Variants in GALNT9 observed in about 807,000 individuals in gnomAD.
GALNT9 encodes GalNAc transferase 9.
A neutral mutation model predicts 63.1 loss-of-function variants in GALNT9; 47 were observed. The ratio of observed to expected loss-of-function variants is 0.75; its 90% confidence interval spans 0.59 to 0.95. The LOEUF (loss-of-function observed/expected upper bound fraction) is 0.95, where lower values mean the gene tolerates loss of function less well. Ranked by LOEUF, GALNT9 falls within the 40% of genes least tolerant of loss-of-function variation. GALNT9 has a pLI of 0.00. For missense variants in GALNT9, 829 were observed against 874.8 expected (o/e 0.95, Z 0.66); for synonymous variants, 396 against 365.7 (o/e 1.08, Z -0.94).
intron 2 of GALNT9, chr12:132,283,838 C>G (rs144173425): frequency 6.6e-6 from 1 of 152,272 alleles, no homozygotes; most frequent in Non-Finnish European, 1.5e-5. Flanking sequence ...GACTTTAACC[C>G]ATGTCCTCTG....
Position 132,262,600 on chromosome 12 carries a change from C to G in GALNT9, c.445G>C (p.Asp149His). 6.4e-7 allele frequency: 1 copy of G among 1,551,074 alleles called. No homozygotes were observed. The highest frequency in any genetic ancestry group is 2.4e-5 in the East Asian group (1 of 40,914). The change falls in exon 3 of 11, where the codon GAC becomes CAC. Residue 149 changes from aspartate to histidine, a missense_variant. By Grantham distance (81) the Asp-to-His change is moderately conservative. Coordinates refer to ENST00000328957, the MANE Select transcript of GALNT9 (RefSeq NM_001122636.2). ...AAGACCACGGAGACCTGGGGCAGGT[C>G]CTGGGCGTAGCTCATCTGTCTGCAC... is the stretch of plus-strand genomic sequence containing the variant. The part of the protein sequence containing the change: ...RKCRQMSYAQ[D>H]LPQVSVVFIF...
At chr12:132,264,517 G>A (rs1441969917) in intron 2 of GALNT9, among the ~76,000 whole-genome samples, 3 of 152,254 alleles carry the variant, frequency 2.0e-5, no homozygotes, top group Non-Finnish European at 4.4e-5. Context: ...CCAGCCTTCT[G>A]GCTTGAGTTT....
At chr12:132,209,219 C>T (rs145983577) in intron 6 of GALNT9, among the ~76,000 whole-genome samples, 71 of 152,198 alleles carry the variant, frequency 4.7e-4, no homozygotes, top group African/African-American at 1.6e-3. Flanking sequence ...GTCACAAAGA[C>T]CTTGCTGATA....
At chr12:132,328,292 G>A (rs1378575802) in intron 1 of GALNT9, among the ~76,000 whole-genome samples, 2 of 152,090 alleles carry the variant, frequency 1.3e-5, no homozygotes, top group Non-Finnish European at 1.5e-5. Context: ...GGATTCTGGG[G>A]CTCCCAGGTG....
intron 5 of GALNT9, among the ~76,000 whole-genome samples, chr12:132,256,026 C>T (rs530745450): frequency 1.1e-3 from 168 of 152,272 alleles, no homozygotes; most frequent in Non-Finnish European, 1.6e-3. Flanking sequence ...CATGAACCAC[C>T]GCACCTGCCT....
At chr12:132,221,377 A>AAAAGG in intron 6 of GALNT9, among the ~76,000 whole-genome samples, 2 of 104,852 alleles carry the variant, frequency 1.9e-5, no homozygotes, top group Non-Finnish European at 3.8e-5. Flanking sequence ...AAAAAAAAAA[A>AAAAGG]GGGCTGGGTG....
In GALNT9 at chr12:132,245,742, C is replaced by A. The variant is rs1327003597; in HGVS notation, c.1077+2168G>T. 1.3e-5 allele frequency among the ~76,000 whole-genome samples: 2 copies of A among 152,252 alleles called. No individual in the cohort carries two copies. The highest frequency in any genetic ancestry group is 2.9e-5 in the Non-Finnish European group (2 of 68,038). On this transcript the variant is annotated intron_variant, in intron 6 of 10. Coordinates refer to ENST00000328957, the MANE Select transcript of GALNT9 (RefSeq NM_001122636.2). This position sits in a 1 kb window ranked among gnomAD's most constrained non-coding sequence, Gnocchi z 6.3. ...CCTGAGCCTGGGATGCACCCACGAC[C>A]CAGCCTCCTGGGACCTCCTCTCACT... is the stretch of plus-strand genomic sequence containing the variant.
intron 1 of GALNT9, among the ~76,000 whole-genome samples, chr12:132,287,956 G>T (rs1880668597): frequency 6.6e-6 from 1 of 152,194 alleles, no homozygotes; most frequent in South Asian, 2.1e-4. Flanking sequence ...CCAGAAAGAG[G>T]CGGCATGGAC....
intron 6 of GALNT9, among the ~76,000 whole-genome samples, chr12:132,219,755 C>T (rs1657323692): frequency 8.4e-6 from 1 of 118,380 alleles, no homozygotes; most frequent in African/African-American, 3.3e-5. Flanking sequence ...GGGGAAGGGA[C>T]ACCTCCCCAG....
At chr12:132,225,854 C>G (rs1409233923) in intron 6 of GALNT9, among the ~76,000 whole-genome samples, 1 of 28,576 alleles carries the variant, frequency 3.5e-5, no homozygotes, top group Non-Finnish European at 8.3e-5. Context: ...CCACACCCCA[C>G]ACACTGTGTA....
At chr12:132,293,511 G>A (rs1468416875) in intron 1 of GALNT9, among the ~76,000 whole-genome samples, 6 of 152,224 alleles carry the variant, frequency 3.9e-5, no homozygotes, top group East Asian at 1.9e-4. Flanking sequence ...CCTGCGAGGC[G>A]TATCTCAGAC....
chr12:132,202,757 A>G (rs1391812891), intron 7 of GALNT9, among the ~76,000 whole-genome samples: 1 of 151,946 alleles, frequency 6.6e-6, no homozygotes, highest in African/African-American at 2.4e-5. Flanking sequence ...GGTTCCAGAG[A>G]CGCTGGGGTG....
intron 2 of GALNT9, chr12:132,272,698 A>G (rs538343411): frequency 3.4e-4 from 52 of 152,396 alleles, no homozygotes; most frequent in Admixed American, 3.0e-3. Context: ...TTCTCAATTA[A>G]CAAACTGTCT....
chr12:132,248,462 G>A (rs28538350), intron 5 of GALNT9, among the ~76,000 whole-genome samples: 6,719 of 148,470 alleles, frequency 0.045, 186 homozygotes, highest in Middle Eastern at 0.1. Context: ...AACAGAGTGA[G>A]ATCCTGTCTC....
intron 1 of GALNT9, among the ~76,000 whole-genome samples, chr12:132,302,126 A>G (rs1881318948): frequency 6.6e-6 from 1 of 152,072 alleles, no homozygotes. Flanking sequence ...GAAGGTTTAG[A>G]TTAGTTTTGT....
chr12:132,196,402 T>C lies in GALNT9; in HGVS notation c.*705A>G. The C allele has an allele frequency of 4.1e-6, 4 of 983,118 alleles. No individual in the cohort carries two copies. Among genetic ancestry groups the C allele is most frequent in the Non-Finnish European group, 4.8e-6 (4 of 827,890 alleles). 60.9% of individuals were successfully genotyped at this position (983,118 alleles called of 1,614,324 possible). A position where few individuals can be genotyped will look rare whatever the true frequency, so the allele number is the denominator to read the frequency against. On this transcript the variant is annotated 3_prime_UTR_variant, in exon 11 of 11. Coordinates refer to ENST00000328957, the MANE Select transcript of GALNT9 (RefSeq NM_001122636.2). ...CTGGGCGCCAATAAAACTGTATTTA[T>C]TAAAACAGGCAAGGGGCTGGGCTGC...
At position 132,227,044 on chromosome 12, in the gene GALNT9, CCACACA is replaced by C. The variant is rs1438547479; in HGVS notation, c.1077+20860_1077+20865del. 3.4e-4 allele frequency among the ~76,000 whole-genome samples: 52 copies of C among 151,554 alleles called. 1 individual carries two copies. The South Asian group carries it at 4.8e-3, about 14-fold the overall frequency. On this transcript the variant is annotated intron_variant, in intron 6 of 10. Transcript: ENST00000328957. Reference sequence around the variant, plus strand: ...ACCCCATACACACACACACCCACACCCACACACAACCCATAGCTTTTTCTTTGGGAG... The same window carrying C: ...ACCCCATACACACACACACCCACACCCAACCCATAGCTTTTTCTTTGGGAG...
intron 1 of GALNT9, among the ~76,000 whole-genome samples, chr12:132,309,859 CA>C (rs1476901732): frequency 6.6e-5 from 10 of 152,152 alleles, no homozygotes; most frequent in African/African-American, 2.4e-4. Flanking sequence ...AAGGGCCCAG[CA>C]GACGCCCGGG....
chr12:132,326,757 A>T (rs1364245907), intron 1 of GALNT9, among the ~76,000 whole-genome samples: 2 of 152,168 alleles, frequency 1.3e-5, no homozygotes, highest in Non-Finnish European at 2.9e-5. Flanking sequence ...GCATCCTGGG[A>T]TGTCACATTC....
Sources: gnomAD v4.1 joint callset for allele counts (sites outside exome capture counted in the v4.1 genomes callset) on GRCh38, gnomAD v4.1.1 for gene constraint, Gnocchi (gnomAD v3.1) non-coding constraint, MANE v1.5 for transcripts, NCBI Gene and HGNC (gene_info 2026-07-23, HGNC 2026-07-21) for gene names.